PRR5: variants seen among roughly 807,000 people sequenced by gnomAD.
PRR5 encodes the protein proline rich 5.
A neutral mutation model predicts 30.6 loss-of-function variants in PRR5; 25 were observed. The ratio of observed to expected loss-of-function variants is 0.82; its 90% CI spans 0.60 to 1.14. The LOEUF is 1.14. Among genes scored for constraint, PRR5 ranks in the 50% most tolerant of loss-of-function variants. The pLI is 0.00. For synonymous variants in PRR5, 286 were observed against 247.1 expected (o/e 1.16, Z -1.48); for missense variants, 600 against 547.1 (o/e 1.10, Z -0.96).
intron 6 of PRR5, among the ~76,000 whole-genome samples, chr22:44,733,132 G>C (rs941113546): frequency 3.9e-5 from 6 of 152,256 alleles, no homozygotes; most frequent in African/African-American, 1.2e-4. Flanking sequence ...AAGACACTCT[G>C]AGAGCTGTTA....
chr22:44,710,327 G>C (rs902980949), intron 1 of PRR5, among the ~76,000 whole-genome samples: 1 of 152,082 alleles, frequency 6.6e-6, no homozygotes, highest in Admixed American at 6.5e-5. Flanking sequence ...CCCCTGCTGG[G>C]ACTTGGCCTC....
rs767112944 is a variant in PRR5 at position 44,714,697 on chromosome 22, A to G, written c.215+26A>G. ...GTGAGTGCCTGTCCCACCTTGGTCC[A>G]GGGTCCTTGAGTGGCAGGGAGGGCT... On this transcript the variant is annotated intron_variant, in intron 2 of 7. Coordinates refer to ENST00000336985, the MANE Select transcript of PRR5 (RefSeq NM_181333.4). 7.4e-6 allele frequency: 12 copies of G among 1,612,708 alleles called. No individual in the cohort carries two copies. The African/African-American group carries it at 1.6e-4, about 22-fold the overall frequency.
rs567540195 is a variant in PRR5, at chr22:44,685,989, T to C, written c.-11+8749T>C. Among the ~76,000 whole-genome samples the C allele has an allele frequency of 2.0e-5, 3 of 151,994 alleles. No individual in the cohort carries two copies. In the South Asian group the frequency reaches 6.2e-4, roughly 32 times the overall value. On this transcript the variant is annotated intron_variant, in intron 1 of 8. Transcript: ENST00000006251. The stretch of plus-strand genomic sequence containing the variant: ...CCCTATTGGGGCCCGGCATGGTGGC[T>C]CACGTCTGTAATCCCAGCACTCTGG...
chr22:44,678,535 G>C (rs149395828), intron 1 of PRR5, among the ~76,000 whole-genome samples: 1 of 151,920 alleles, frequency 6.6e-6, no homozygotes, highest in East Asian at 1.9e-4. Context: ...GGCTGGTCTC[G>C]AACTCCCGAC....
chr22:44,726,515 C>T, intron 3 of PRR5, 62 bp from the exon 4 acceptor site: 2 of 1,610,930 alleles, frequency 1.2e-6, no homozygotes, highest in Non-Finnish European at 1.7e-6. Context: ...GGGGGCCCTG[C>T]TGGCCAGGAC....
chr22:44,735,481 C>T (rs549278660), intron 7 of PRR5, among the ~76,000 whole-genome samples: 3 of 152,288 alleles, frequency 2.0e-5, no homozygotes, highest in East Asian at 1.9e-4. Flanking sequence ...ATGCAAATGC[C>T]GAAGCTTGAG....
intron 4 of PRR5, among the ~76,000 whole-genome samples, chr22:44,727,408 C>T (rs953820001): frequency 2.0e-5 from 3 of 152,224 alleles, no homozygotes; most frequent in African/African-American, 4.8e-5. Context: ...ATCGGGCCTG[C>T]GCTGTACCCG....
intron 1 of PRR5, among the ~76,000 whole-genome samples, chr22:44,678,542 C>T (rs1923973942): frequency 3.9e-5 from 6 of 151,936 alleles, no homozygotes; most frequent in Admixed American, 2.0e-4. Flanking sequence ...CTCGAACTCC[C>T]GACCTCAGGT....
intron 1 of PRR5, among the ~76,000 whole-genome samples, chr22:44,684,081 G>T (rs888366989): frequency 1.2e-4 from 18 of 152,296 alleles, no homozygotes; most frequent in African/African-American, 4.1e-4. Flanking sequence ...GGTCCAGGAG[G>T]GCCCGGGCCA....
chr22:44,707,485 CTGTGCT>C (rs1927411814), intron 1 of PRR5, among the ~76,000 whole-genome samples: 1 of 152,182 alleles, frequency 6.6e-6, no homozygotes, highest in Non-Finnish European at 1.5e-5. Flanking sequence ...TTGGCGGGCT[CTGTGCT>C]TGTGCCCTAG....
chr22:44,678,666 C>G (rs1459437062), intron 1 of PRR5, among the ~76,000 whole-genome samples: 2 of 152,228 alleles, frequency 1.3e-5, no homozygotes, highest in African/African-American at 4.8e-5. Context: ...GAAAGTCTTC[C>G]TGGCTGCCTC....
At position 44,726,716 on chromosome 22, in the gene PRR5, G is replaced by A. The variant is rs1471752354; in HGVS notation, c.322+82G>A. 3.8e-6 allele frequency: 6 copies of A among 1,598,222 alleles called. No homozygotes were observed. The Admixed American group carries it at 5.1e-5, about 13-fold the overall frequency. ...TGGACTGCTGGGCCTCGTGCTGGGG[G>A]CCTCTGGGTGCAAGGTGTGGCTCTC... is the stretch of plus-strand genomic sequence containing the variant. On this transcript the variant is annotated intron_variant, in intron 4 of 7. Transcript: ENST00000336985.
chr22:44,696,298 C>T (rs1197189780), intron 1 of PRR5, among the ~76,000 whole-genome samples: 1 of 152,160 alleles, frequency 6.6e-6, no homozygotes, highest in African/African-American at 2.4e-5. Context: ...CAAAACCTGT[C>T]TCTGCAATGC....
chr22:44,679,875 G>T lies in PRR5; in HGVS notation c.-11+2635G>T, dbSNP rs949114235. 1 of 1,581,382 alleles carries T rather than the reference G, an allele frequency of 6.3e-7. No homozygotes were observed. Among genetic ancestry groups the T allele is most frequent in the African/African-American group, 1.3e-5 (1 of 74,180 alleles). On this transcript the variant is annotated intron_variant, in intron 1 of 8. Transcript: ENST00000006251. ...GGAAAAGATGCCGGCGCAGCCTGAG[G>T]GCTTGTACAGGTGCCACTGTGCCGA... is the stretch of plus-strand genomic sequence containing the variant.
At chr22:44,686,547 T>G (rs1222278214) in intron 1 of PRR5, among the ~76,000 whole-genome samples, 1 of 152,096 alleles carries the variant, frequency 6.6e-6, no homozygotes, top group Non-Finnish European at 1.5e-5. Context: ...AGTCTCGCTC[T>G]GTCGCCCAGG....
At chr22:44,692,462 A>C (rs1334869730) in intron 1 of PRR5, among the ~76,000 whole-genome samples, 1 of 88,486 alleles carries the variant, frequency 1.1e-5, no homozygotes, top group Non-Finnish European at 2.3e-5. Context: ...CACCGGGGGA[A>C]ATTCTTCCTC....
intron 3 of PRR5, 50 bp from the exon 4 acceptor site, chr22:44,726,527 C>T: frequency 1.9e-6 from 3 of 1,612,728 alleles, no homozygotes; most frequent in Non-Finnish European, 2.5e-6. Context: ...GGCCAGGACA[C>T]CCCCGGGCAT....
intron 7 of PRR5, among the ~76,000 whole-genome samples, chr22:44,735,916 A>G (rs1170478219): frequency 6.6e-6 from 1 of 152,136 alleles, no homozygotes; most frequent in Non-Finnish European, 1.5e-5. Context: ...ACTTTGAGCC[A>G]CCCAGGCTTG....
At chr22:44,732,419 A>G in intron 6 of PRR5, 28 bp downstream of exon 6, 1 of 1,590,778 alleles carries the variant, frequency 6.3e-7, no homozygotes, top group South Asian at 1.1e-5. Flanking sequence ...AGGGTCGGGC[A>G]TGGGGACCGT....
Sources: allele counts gnomAD v4.1 joint callset (sites outside exome capture counted in the v4.1 genomes callset), GRCh38; gene constraint gnomAD v4.1.1; transcripts MANE v1.5; gene names NCBI Gene and HGNC (gene_info 2026-07-23, HGNC 2026-07-21).